Variants in CNTNAP2 observed in about 807,000 individuals in gnomAD.
CNTNAP2 encodes the protein contactin associated protein 2.
CNTNAP2 carries 98 observed loss-of-function variants against 155.2 expected under a neutral mutation model. That is an observed-to-expected ratio of 0.63 (90% CI 0.54 to 0.75). The LOEUF (loss-of-function observed/expected upper bound fraction) is 0.75, where lower values mean the gene tolerates loss of function less well. Among genes scored for constraint, CNTNAP2 ranks in the 30% least tolerant of loss-of-function variants. CNTNAP2 has a pLI of 0.00. For missense variants in CNTNAP2, 1,727 were observed against 1,688.1 expected (o/e 1.02, Z -0.40); for synonymous variants, 651 against 631.2 (o/e 1.03, Z -0.47).
At chr7:146,934,944 A>C (rs141844618) in intron 3 of CNTNAP2, among the ~76,000 whole-genome samples, 39 of 152,202 alleles carry the variant, frequency 2.6e-4, no homozygotes, top group Non-Finnish European at 4.7e-4. Context: ...ACTCAGAGAA[A>C]AGTTTAGAGG....
intron 15 of CNTNAP2, among the ~76,000 whole-genome samples, chr7:148,083,029 G>T (rs1803646340): frequency 6.6e-6 from 1 of 152,040 alleles, no homozygotes; most frequent in Admixed American, 6.6e-5. Context: ...ATTAGCTTTA[G>T]ATTCTGGGAC....
At chr7:147,652,360 A>G (rs992523423) in intron 13 of CNTNAP2, among the ~76,000 whole-genome samples, 13 of 152,182 alleles carry the variant, frequency 8.5e-5, no homozygotes, top group African/African-American at 3.1e-4. Flanking sequence ...CTCTCTTGGT[A>G]TTGGACCTGA....
chr7:147,583,339 T>C (rs1016776030), intron 12 of CNTNAP2, among the ~76,000 whole-genome samples: 3 of 151,940 alleles, frequency 2.0e-5, no homozygotes, highest in African/African-American at 4.8e-5. Flanking sequence ...GTTTGTTGCA[T>C]TATTTTGCTA....
At chr7:146,507,928 A>G (rs1490642887) in intron 1 of CNTNAP2, among the ~76,000 whole-genome samples, 5 of 152,156 alleles carry the variant, frequency 3.3e-5, no homozygotes, top group Admixed American at 6.5e-5. Context: ...TGTGATGTCA[A>G]TTGGGAAGAA....
chr7:146,551,792 C>T (rs1798126688), intron 1 of CNTNAP2, among the ~76,000 whole-genome samples: 1 of 152,052 alleles, frequency 6.6e-6, no homozygotes, highest in African/African-American at 2.4e-5. Flanking sequence ...TGACCATAAA[C>T]AAAGCTTATT....
At chr7:146,869,376 T>G (rs1353517007) in intron 3 of CNTNAP2, among the ~76,000 whole-genome samples, 1 of 152,194 alleles carries the variant, frequency 6.6e-6, no homozygotes, top group Non-Finnish European at 1.5e-5. Context: ...GAAACCTACT[T>G]GATCATGGTA....
chr7:146,246,602 C>A (rs144755128), intron 1 of CNTNAP2, among the ~76,000 whole-genome samples: 1 of 150,868 alleles, frequency 6.6e-6, no homozygotes, highest in Non-Finnish European at 1.5e-5. Context: ...CTCGGCGTCC[C>A]TGATGGTCTA....
chr7:147,571,851 T>C (rs1800300520), intron 12 of CNTNAP2, among the ~76,000 whole-genome samples: 1 of 152,192 alleles, frequency 6.6e-6, no homozygotes, highest in Non-Finnish European at 1.5e-5. Context: ...CCATTTTCTC[T>C]CCTCTTTCTG....
chr7:146,607,698 G>A (rs1003042253), intron 1 of CNTNAP2, among the ~76,000 whole-genome samples: 4 of 151,708 alleles, frequency 2.6e-5, no homozygotes, highest in Admixed American at 6.6e-5. Context: ...GGCTGGTCTC[G>A]AATGCCTGGG....
rs371680167 is a variant in CNTNAP2, at chr7:147,217,369, G to T, written c.1349-82772G>T. On this transcript the variant is annotated intron_variant, in intron 8 of 23. Transcript: ENST00000361727. The stretch of plus-strand genomic sequence containing the variant: ...TTGTTTTTATCATAAATGGGTGATA[G>T]ATTTTTTTTCAGATAATTTCTCTGC... 6.8e-4 allele frequency among the ~76,000 whole-genome samples: 103 copies of T among 151,870 alleles called. No homozygotes were observed. The East Asian group carries it at 0.016, about 24-fold the overall frequency.
At chr7:147,716,709 C>T (rs1020661082) in intron 13 of CNTNAP2, among the ~76,000 whole-genome samples, 6 of 152,054 alleles carry the variant, frequency 3.9e-5, no homozygotes, top group African/African-American at 1.2e-4. Context: ...TTTCAGGCTG[C>T]TGTTTGTCAG....
At chr7:147,479,269 A>C (rs1163212091) in intron 10 of CNTNAP2, among the ~76,000 whole-genome samples, 1 of 152,204 alleles carries the variant, frequency 6.6e-6, no homozygotes, top group Non-Finnish European at 1.5e-5. Context: ...TATGATCTTC[A>C]TTCTGTACCA....
At chr7:148,195,280 G>C (rs917598665) in intron 18 of CNTNAP2, among the ~76,000 whole-genome samples, 1 of 152,180 alleles carries the variant, frequency 6.6e-6, no homozygotes, top group Non-Finnish European at 1.5e-5. Flanking sequence ...GTAAGTATTT[G>C]ATGAATGAGC....
intron 13 of CNTNAP2, among the ~76,000 whole-genome samples, chr7:147,762,179 A>ACACACACG (rs1483499848): frequency 3.0e-4 from 45 of 151,872 alleles, no homozygotes; most frequent in Non-Finnish European, 3.1e-4. Flanking sequence ...ACACACACAC[A>ACACACACG]CACACACACC....
intron 1 of CNTNAP2, among the ~76,000 whole-genome samples, chr7:146,670,701 A>T (rs717171): frequency 6.6e-6 from 1 of 151,902 alleles, no homozygotes; most frequent in Non-Finnish European, 1.5e-5. Context: ...TCTCAATTAC[A>T]CAAGGAGACC....
chr7:146,767,364 A>G (rs898428136), intron 1 of CNTNAP2, among the ~76,000 whole-genome samples: 2 of 152,098 alleles, frequency 1.3e-5, no homozygotes, highest in African/African-American at 4.8e-5. Flanking sequence ...GTGAAAAGGT[A>G]TGTTAAAGAC....
intron 11 of CNTNAP2, among the ~76,000 whole-genome samples, chr7:147,493,457 G>A (rs761079876): frequency 1.3e-5 from 2 of 151,990 alleles, no homozygotes; most frequent in Admixed American, 1.3e-4. Flanking sequence ...TCCAACTGCA[G>A]GACCACAGGA....
chr7:147,417,279 C>T (rs1224569855), intron 10 of CNTNAP2, among the ~76,000 whole-genome samples: 1 of 152,112 alleles, frequency 6.6e-6, no homozygotes, highest in Non-Finnish European at 1.5e-5. Context: ...ATTTATTTCT[C>T]GCAGTTGTGG....
At chr7:146,226,221 G>A (rs1439996336) in intron 1 of CNTNAP2, among the ~76,000 whole-genome samples, 8 of 152,248 alleles carry the variant, frequency 5.3e-5, no homozygotes, top group Admixed American at 4.6e-4. Flanking sequence ...CATCTACCAG[G>A]TTGAGGAATG....
Sources: gnomAD v4.1 joint callset for allele counts (sites outside exome capture counted in the v4.1 genomes callset) on GRCh38, gnomAD v4.1.1 for gene constraint, MANE v1.5 for transcripts, NCBI Gene and HGNC (gene_info 2026-07-23, HGNC 2026-07-21) for gene names.